GFRA1: variants seen among roughly 807,000 people sequenced by gnomAD.
GFRA1 encodes the protein GDNF family receptor alpha 1.
Under a neutral mutation model 51.6 loss-of-function variants are expected in GFRA1, and 16 were observed. That is an observed-to-expected ratio of 0.31 (90% CI 0.21 to 0.47). GFRA1 has a LOEUF of 0.47. Among genes scored for constraint, GFRA1 ranks in the 20% least tolerant of loss-of-function variants. The pLI is 1.00. For synonymous variants in GFRA1, 270 were observed against 241.3 expected, an observed-to-expected ratio of 1.12 and a Z score of -1.10; for missense variants, 530 against 594.3, an observed-to-expected ratio of 0.89 and a Z score of 1.13.
At chr10:116,212,556 ACACAC>A in intron 4 of GFRA1, among the ~76,000 whole-genome samples, 1 of 150,240 alleles carries the variant, frequency 6.7e-6, no homozygotes, top group African/African-American at 2.4e-5. Context: ...ACACACACAC[ACACAC>A]ACACATCTAG....
intron 9 of GFRA1, among the ~76,000 whole-genome samples, chr10:116,078,757 G>GATGAAAACGTCACAAAGACC (rs925339949): frequency 1.3e-5 from 2 of 152,194 alleles, no homozygotes; most frequent in African/African-American, 4.8e-5. Flanking sequence ...ACACAGAGAC[G>GATGAAAACGTCACAAAGACC]ATGAAAACGT....
intron 4 of GFRA1, among the ~76,000 whole-genome samples, chr10:116,245,143 T>G (rs1239599601): frequency 1.3e-5 from 2 of 152,154 alleles, no homozygotes; most frequent in Non-Finnish European, 2.9e-5. Context: ...ATGGAGACAT[T>G]TTCAAACTGA....
At chr10:116,146,021 A>C (rs1476042190) in intron 5 of GFRA1, among the ~76,000 whole-genome samples, 2 of 152,108 alleles carry the variant, frequency 1.3e-5, no homozygotes, top group Non-Finnish European at 2.9e-5. Flanking sequence ...ACACACACAC[A>C]CCACTCACAT....
intron 5 of GFRA1, among the ~76,000 whole-genome samples, chr10:116,185,059 C>A (rs1416049865): frequency 1.3e-5 from 2 of 152,066 alleles, no homozygotes; most frequent in South Asian, 4.1e-4. Context: ...CTTAGCTGTT[C>A]TGAATGTAAG....
At chr10:116,259,000 C>T (rs1485652590) in intron 4 of GFRA1, among the ~76,000 whole-genome samples, 2 of 152,184 alleles carry the variant, frequency 1.3e-5, no homozygotes, top group Admixed American at 1.3e-4. Context: ...ATTGAGAACT[C>T]TCTGGAATTC....
intron 6 of GFRA1, among the ~76,000 whole-genome samples, chr10:116,097,987 G>T (rs928162183): frequency 2.0e-5 from 3 of 152,158 alleles, no homozygotes; most frequent in African/African-American, 4.8e-5. Flanking sequence ...AGACCTGATG[G>T]AATTATCCAA....
At chr10:116,141,672 C>T (rs1478762560) in intron 5 of GFRA1, among the ~76,000 whole-genome samples, 2 of 152,150 alleles carry the variant, frequency 1.3e-5, no homozygotes, top group African/African-American at 4.8e-5. Flanking sequence ...CAACCTCCAC[C>T]TCCCGGGTTC....
At chr10:116,152,973 G>C (rs138696815) in intron 5 of GFRA1, among the ~76,000 whole-genome samples, 11 of 152,318 alleles carry the variant, frequency 7.2e-5, no homozygotes, top group African/African-American at 2.6e-4. Context: ...TGGACTAAGT[G>C]TGTTATAAAC....
Position 116,117,335 on chromosome 10 carries a change from T to A in GFRA1, c.770+7886A>T, listed in dbSNP as rs972153725. 5.3e-5 allele frequency among the ~76,000 whole-genome samples: 8 copies of A among 152,280 alleles called. No homozygotes were observed. The South Asian group carries it at 1.5e-3, about 28-fold the overall frequency. ...CAGTCATTGGCCAGTCCAGCTCAGA[T>A]GGCAGCTTCTCCAGGAAGCCTTGCT... is the stretch of plus-strand genomic sequence containing the variant. On this transcript the variant is annotated intron_variant, in intron 6 of 10. Coordinates refer to ENST00000355422, the MANE Select transcript of GFRA1 (RefSeq NM_005264.8).
At position 116,058,041 on chromosome 10, in the gene GFRA1, TGA is replaced by T. The variant is rs1347419972; in HGVS notation, c.*6355_*6356del. The T allele has an allele frequency of 1.8e-5, 2 of 108,444 alleles. No homozygotes were observed. The highest frequency in any genetic ancestry group is 6.3e-4 in the South Asian group (2 of 3,172). The allele number at this position is 108,444 out of a possible 1,614,324, so 6.7% of individuals were successfully genotyped here. A position where few individuals can be genotyped will look rare whatever the true frequency, so the allele number is the denominator to read the frequency against. On this transcript the variant is annotated 3_prime_UTR_variant, in exon 11 of 11. Transcript: ENST00000355422. ...GTGTGTGTGTGTGTGTGTGTGTGTG[TGA>T]CAGAGAGAACCACGCTTTATTGGCG...
intron 5 of GFRA1, among the ~76,000 whole-genome samples, chr10:116,194,587 C>A (rs1162910775): frequency 6.6e-6 from 1 of 152,176 alleles, no homozygotes; most frequent in African/African-American, 2.4e-5. Context: ...TACCCTACAT[C>A]TGTGGATTAC....
At chr10:116,262,812 C>G (rs1336448752) in intron 4 of GFRA1, among the ~76,000 whole-genome samples, 1 of 152,084 alleles carries the variant, frequency 6.6e-6, no homozygotes, top group Non-Finnish European at 1.5e-5. Flanking sequence ...TAAGGCATGC[C>G]CTTCTCAGGG....
intron 10 of GFRA1, among the ~76,000 whole-genome samples, 187 bp from the exon 11 acceptor site, chr10:116,064,731 AG>A (rs1955016806): frequency 6.6e-6 from 1 of 152,222 alleles, no homozygotes; most frequent in African/African-American, 2.4e-5. Flanking sequence ...AACCTGGGTT[AG>A]AACCAGATAC....
intron 6 of GFRA1, among the ~76,000 whole-genome samples, chr10:116,098,934 G>A (rs570052967): frequency 6.6e-6 from 1 of 152,330 alleles, no homozygotes; most frequent in South Asian, 2.1e-4. Flanking sequence ...GCTGCTTTTT[G>A]AGAGATCATC....
chr10:116,079,683 C>G (rs999703923), intron 9 of GFRA1, among the ~76,000 whole-genome samples: 2 of 152,062 alleles, frequency 1.3e-5, no homozygotes, highest in Non-Finnish European at 2.9e-5. Context: ...ACAGGACAGC[C>G]CCCCGTAACA....
At chr10:116,159,901 T>C (rs1253890237) in intron 5 of GFRA1, among the ~76,000 whole-genome samples, 2 of 152,206 alleles carry the variant, frequency 1.3e-5, no homozygotes, top group Non-Finnish European at 2.9e-5. Flanking sequence ...TCATATAAAA[T>C]GGTCATTAAT....
In GFRA1 at chr10:116,070,759, CTTTTTT is replaced by C. The variant is rs773344299; in HGVS notation, c.1198-5139_1198-5134del. On this transcript the variant is annotated intron_variant, in intron 9 of 10. Transcript: ENST00000355422. ...GGTGGCCCACCTAGAAGTCTGGAGC[CTTTTTT>C]TTTTTTTTTTTTTTTTGGCTTTGGA... Among the ~76,000 whole-genome samples the C allele has an allele frequency of 4.1e-4, 40 of 97,722 alleles. 1 individual carries two copies. Among genetic ancestry groups the C allele is most frequent in the African/African-American group, 1.7e-3 (36 of 21,090 alleles). 64.1% of individuals were successfully genotyped at this position (97,722 alleles called of 152,430 possible).
rs1967549890 is a variant in GFRA1 at position 116,243,255 on chromosome 10, A to T, written c.418+26248T>A. Among the ~76,000 whole-genome samples the T allele has an allele frequency of 5.3e-5, 8 of 152,228 alleles. 1 individual carries two copies. The highest frequency in any genetic ancestry group is 2.6e-4 in the Admixed American group (4 of 15,284). ...TTTTAATTAAAGATATTTGATAAGC[A>T]CCCATGCTGAAAGAAATGAAGTGGG... On this transcript the variant is annotated intron_variant, in intron 4 of 10. Coordinates refer to ENST00000355422, the MANE Select transcript of GFRA1 (RefSeq NM_005264.8).
chr10:116,059,111 T>C lies in GFRA1; in HGVS notation c.*5287A>G, dbSNP rs1954683488. 6.6e-6 allele frequency: 1 copy of C among 152,132 alleles called. No homozygotes were observed. The highest frequency in any genetic ancestry group is 6.6e-5 in the Admixed American group (1 of 15,264). 9.4% of individuals were successfully genotyped at this position (152,132 alleles called of 1,614,324 possible). ...AAACCTCAGGAGGACACATTCAGGGTCAATACAGCTCAATGCCAGGAATAC... is the reference window on the plus strand; with the variant it reads ...AAACCTCAGGAGGACACATTCAGGGCCAATACAGCTCAATGCCAGGAATAC... On this transcript the variant is annotated 3_prime_UTR_variant, in exon 11 of 11. Transcript: ENST00000355422.
Sources: allele counts gnomAD v4.1 joint callset (sites outside exome capture counted in the v4.1 genomes callset), GRCh38; gene constraint gnomAD v4.1.1; transcripts MANE v1.5; gene names NCBI Gene and HGNC (gene_info 2026-07-23, HGNC 2026-07-21).